The following SPATA31C1 variants were observed in gnomAD, a reference collection of about 807,000 sequenced individuals.
SPATA31C1 encodes SPATA31 subfamily C member 1.
At chr9:87,921,217 C>T (rs767384646) in exon 5 of SPATA31C1, 234 of 1,611,814 alleles carry the variant, frequency 1.5e-4, no homozygotes, top group Non-Finnish European at 1.9e-4. Flanking sequence ...CCTAACCTTC[C>T]CCAGGAAAGA....
At chr9:87,915,700 T>C (rs1288515159) in intron 1 of SPATA31C1, among the ~76,000 whole-genome samples, 1 of 143,362 alleles carries the variant, frequency 7.0e-6, no homozygotes, top group Non-Finnish European at 1.5e-5. Context: ...TGAACTGATA[T>C]TGCACTTTTT....
At chr9:87,923,492 T>G in exon 5 of SPATA31C1, 1 of 1,562,040 alleles carries the variant, frequency 6.4e-7, no homozygotes, top group Non-Finnish European at 8.7e-7. Flanking sequence ...ACTGTCTTTT[T>G]CAGGGAGGTA....
chr9:87,919,030 A>G (rs748561695), intron 2 of SPATA31C1: 26 of 614,612 alleles, frequency 4.2e-5, no homozygotes, highest in Non-Finnish European at 6.4e-5. Flanking sequence ...TCGGCCTCCC[A>G]AAGTGCTTGG....
At chr9:87,916,431 C>T (rs1828721076) in intron 1 of SPATA31C1, among the ~76,000 whole-genome samples, 1 of 147,748 alleles carries the variant, frequency 6.8e-6, no homozygotes, top group African/African-American at 2.5e-5. Context: ...GCATAAGAGC[C>T]TGTTAATAAA....
At chr9:87,916,227 T>A (rs1489679916) in intron 1 of SPATA31C1, among the ~76,000 whole-genome samples, 1 of 132,432 alleles carries the variant, frequency 7.6e-6, no homozygotes, top group East Asian at 2.5e-4. Context: ...TGGTCAGATA[T>A]GAAGATGGAG....
At chr9:87,922,631 C>A in exon 5 of SPATA31C1, 1 of 1,608,910 alleles carries the variant, frequency 6.2e-7, no homozygotes, top group Non-Finnish European at 8.5e-7. Flanking sequence ...TGCCCCAGGG[C>A]CATCTCCAGA....
intron 2 of SPATA31C1, chr9:87,918,789 A>C (rs2117979994): frequency 3.9e-6 from 1 of 258,260 alleles, no homozygotes; most frequent in South Asian, 3.8e-5. Context: ...TTTGTGTGTT[A>C]TTTTTATTTA....
chr9:87,920,344 C>A (rs1168687249), exon 5 of SPATA31C1: 14 of 1,613,964 alleles, frequency 8.7e-6, no homozygotes, highest in African/African-American at 1.3e-5. Context: ...CCTGATGGAG[C>A]CTCCCGGTCC....
chr9:87,920,538 G>C (rs778246337), exon 5 of SPATA31C1: 2 of 1,613,268 alleles, frequency 1.2e-6, no homozygotes, highest in African/African-American at 2.7e-5. Flanking sequence ...CCCCTCACCC[G>C]AGCCACCTGC....
chr9:87,921,784 C>T (rs1208219015), exon 5 of SPATA31C1: 2 of 1,612,058 alleles, frequency 1.2e-6, no homozygotes, highest in Admixed American at 1.7e-5. Context: ...AGCAATCTAG[C>T]AGCCCCGAAA....
At chr9:87,921,705 G>GT (rs750841719) in exon 5 of SPATA31C1, 41 of 1,611,934 alleles carry the variant, frequency 2.5e-5, no homozygotes, top group Non-Finnish European at 3.2e-5. Flanking sequence ...CTTGATCCCC[G>GT]TGAGTGTGCG....
At chr9:87,918,964 G>C (rs1564138055) in intron 2 of SPATA31C1, 4 of 383,720 alleles carry the variant, frequency 1.0e-5, no homozygotes, top group African/African-American at 2.1e-5. Flanking sequence ...GTAGAGATGG[G>C]GTTTCACCAT....
chr9:87,919,349 G>GT lies in SPATA31C1; in HGVS notation n.580+2dup, dbSNP rs1828789953. The GT allele has an allele frequency of 6.2e-7, 1 of 1,602,478 alleles. No individual in the cohort carries two copies. Among genetic ancestry groups the GT allele is most frequent in the African/African-American group, 1.3e-5 (1 of 74,342 alleles). ...AGGATGAAAAACCACAGTCTGAGAGGTAAGGCTCTGCCAGGGCACACTAGA... is the reference window on the plus strand; with the variant it reads ...AGGATGAAAAACCACAGTCTGAGAGGTTAAGGCTCTGCCAGGGCACACTAGA... On this transcript the variant is annotated splice_donor_variant and non_coding_transcript_variant, in intron 3 of 4. Transcript: ENST00000420021.
At chr9:87,917,053 CA>C (rs1461299918) in intron 1 of SPATA31C1, among the ~76,000 whole-genome samples, 2 of 127,476 alleles carry the variant, frequency 1.6e-5, no homozygotes, top group Admixed American at 1.7e-4. Context: ...AAAATAAATA[CA>C]TAAGTACATA....
At chr9:87,919,001 C>T (rs62579560) in intron 2 of SPATA31C1, 52,964 of 455,556 alleles carry the variant, frequency 0.12, 3,942 homozygotes, top group Non-Finnish European at 0.16. Context: ...AACTCTTGAC[C>T]TCAGGTGATC....
At chr9:87,920,351 G>A in exon 5 of SPATA31C1, 2 of 1,613,926 alleles carry the variant, frequency 1.2e-6, no homozygotes, top group Non-Finnish European at 1.7e-6. Context: ...GAGCCTCCCG[G>A]TCCTCTCATG....
chr9:87,920,192 A>C (rs971503067), intron 4 of SPATA31C1, 60 bp from the exon 4 acceptor site: 1 of 1,606,562 alleles, frequency 6.2e-7, no homozygotes, highest in Non-Finnish European at 8.5e-7. Flanking sequence ...CCAAGCGCCC[A>C]CTCTGCCCTC....
exon 5 of SPATA31C1, chr9:87,921,902 G>A: frequency 6.2e-7 from 1 of 1,612,040 alleles, no homozygotes; most frequent in East Asian, 2.2e-5. Context: ...AACACAGGTG[G>A]GGTCTACCCC....
Position 87,922,251 on chromosome 9 carries a change from A to T in SPATA31C1, n.2641A>T, listed in dbSNP as rs1186033583. ...GTGGCCATCTAAGCCCCTCACATACAGCCTCAAAGGCAGCACCCAGCAGAG... is the reference window on the plus strand; with the variant it reads ...GTGGCCATCTAAGCCCCTCACATACTGCCTCAAAGGCAGCACCCAGCAGAG... On this transcript the variant is annotated non_coding_transcript_exon_variant, in exon 5 of 5. Transcript: ENST00000420021. The T allele has an allele frequency of 6.2e-6, 10 of 1,613,186 alleles. No individual in the cohort carries two copies. The South Asian group carries it at 1.1e-4, about 18-fold the overall frequency.
Sources: gnomAD v4.1 joint callset for allele counts (sites outside exome capture counted in the v4.1 genomes callset) on GRCh38, gnomAD v4.1.1 for gene constraint, MANE v1.5 for transcripts, NCBI Gene and HGNC (gene_info 2026-07-23, HGNC 2026-07-21) for gene names.